The following MYOM2 variants were observed in gnomAD, a reference collection of about 807,000 sequenced individuals.
The protein encoded by MYOM2 is myomesin-2.
MYOM2 carries 254 observed loss-of-function variants against 187.6 expected under a neutral mutation model. That is an observed-to-expected ratio of 1.35 (90% CI 1.22 to 1.50). The LOEUF (loss-of-function observed/expected upper bound fraction) is 1.50, where lower values mean the gene tolerates loss of function less well. MYOM2 is among the 40% of genes most tolerant of loss of function. The pLI is 0.00. For synonymous variants in MYOM2, 981 were observed against 753.8 expected, an observed-to-expected ratio of 1.30 and a Z score of -4.94; for missense variants, 2,796 against 1,924.0, an observed-to-expected ratio of 1.45 and a Z score of -8.48.
chr8:2,094,938 G>A (rs749812240), intron 17 of MYOM2, among the ~76,000 whole-genome samples: 4 of 152,112 alleles, frequency 2.6e-5, no homozygotes, highest in Non-Finnish European at 4.4e-5. Context: ...GTTTTCTCAT[G>A]AAATGCACCT....
chr8:2,089,912 C>T, intron 14 of MYOM2, 96 bp from the exon 15 acceptor site: 1 of 1,225,692 alleles, frequency 8.2e-7, no homozygotes, highest in South Asian at 1.5e-5. Context: ...CCTGGTGGTC[C>T]TGGGATAGCG....
intron 11 of MYOM2, among the ~76,000 whole-genome samples, chr8:2,077,006 C>T (rs1348377785): frequency 2.0e-5 from 3 of 152,020 alleles, no homozygotes. Flanking sequence ...AGAAATTAGA[C>T]AGAGAGTAAA....
rs377330188 is a variant in MYOM2, at chr8:2,141,193, T to C, written c.4001+16T>C. 1 of 1,611,006 alleles carries C rather than the reference T, an allele frequency of 6.2e-7. No individual in the cohort carries two copies. The highest frequency in any genetic ancestry group is 1.3e-5 in the African/African-American group (1 of 74,884). On this transcript the variant is annotated intron_variant, in intron 34 of 36. Transcript: ENST00000262113. Reference sequence around the variant, plus strand: ...AGCAATTCAAGTAAGATTTGTGTATTTAGTTACTATGATATCCTGTGGGCA... The same window carrying C: ...AGCAATTCAAGTAAGATTTGTGTATCTAGTTACTATGATATCCTGTGGGCA...
chr8:2,064,174 C>CGTCGT lies in MYOM2; in HGVS notation c.653+4929_653+4930insGTCGT. 2.0e-5 allele frequency among the ~76,000 whole-genome samples: 3 copies of CGTCGT among 152,316 alleles called. No individual in the cohort carries two copies. In the South Asian group the frequency reaches 6.2e-4, roughly 32 times the overall value. On this transcript the variant is annotated intron_variant, in intron 6 of 36. Transcript: ENST00000262113. ...TCTGCTCCGTCGTCTGCCCAGGCCC[C>CGTCGT]CTGCTTCCCGGCCTCGGGGCAGGCA...
chr8:2,048,515 A>G (rs999340315), intron 1 of MYOM2, among the ~76,000 whole-genome samples: 3 of 152,264 alleles, frequency 2.0e-5, no homozygotes, highest in Non-Finnish European at 4.4e-5. Context: ...TTCTTGAACC[A>G]TGATAACAGC....
intron 32 of MYOM2, among the ~76,000 whole-genome samples, chr8:2,138,963 GCC>G (rs1798177911): frequency 6.8e-6 from 1 of 147,224 alleles, no homozygotes; most frequent in Non-Finnish European, 1.5e-5. Context: ...GACACACACT[GCC>G]AGCACCACCA....
chr8:2,076,508 G>C (rs559704007), intron 11 of MYOM2: 1 of 576,752 alleles, frequency 1.7e-6, no homozygotes, highest in Non-Finnish European at 2.9e-6. Flanking sequence ...GTTGAAAGTG[G>C]AGGCTCGTTT....
intron 14 of MYOM2, among the ~76,000 whole-genome samples, chr8:2,089,079 T>C (rs1317636247): frequency 6.7e-6 from 1 of 149,630 alleles, no homozygotes; most frequent in East Asian, 2.0e-4. Flanking sequence ...CTCCTTCAAA[T>C]ATGAGTCTGA....
chr8:2,136,215 C>T (rs1034218663), intron 32 of MYOM2, among the ~76,000 whole-genome samples: 2 of 152,212 alleles, frequency 1.3e-5, no homozygotes, highest in African/African-American at 4.8e-5. Context: ...ATCCCCGGCT[C>T]ATGGCTACCT....
chr8:2,111,490 A>G (rs796540478), intron 25 of MYOM2, among the ~76,000 whole-genome samples: 1 of 152,232 alleles, frequency 6.6e-6, no homozygotes, highest in African/African-American at 2.4e-5. Context: ...GTAAGTTCCT[A>G]TCATTCATTC....
At chr8:2,074,360 T>C (rs1013348672) in intron 10 of MYOM2, among the ~76,000 whole-genome samples, 2 of 152,172 alleles carry the variant, frequency 1.3e-5, no homozygotes, top group Non-Finnish European at 2.9e-5. Context: ...TAAATTTTGC[T>C]GGAGCCTGGA....
intron 28 of MYOM2, among the ~76,000 whole-genome samples, chr8:2,120,675 T>TATATAA (rs1220891042): frequency 4.8e-5 from 2 of 41,422 alleles, no homozygotes; most frequent in East Asian, 6.1e-4. Flanking sequence ...TATATATATA[T>TATATAA]TATATTATAT....
At chr8:2,076,369 AG>A in intron 11 of MYOM2, 87 bp downstream of exon 11, 1 of 1,483,260 alleles carries the variant, frequency 6.7e-7, no homozygotes, top group Non-Finnish European at 9.0e-7. Flanking sequence ...TTCTCAATGC[AG>A]GTTGACGTTC....
At chr8:2,094,497 C>G (rs1796415478) in intron 17 of MYOM2, among the ~76,000 whole-genome samples, 1 of 152,058 alleles carries the variant, frequency 6.6e-6, no homozygotes, top group African/African-American at 2.4e-5. Context: ...ACTGAAAATA[C>G]AAAAATCAGC....
At chr8:2,088,962 T>A (rs1392249896) in intron 14 of MYOM2, among the ~76,000 whole-genome samples, 1 of 152,034 alleles carries the variant, frequency 6.6e-6, no homozygotes, top group African/African-American at 2.4e-5. Context: ...TGCGCTCGCT[T>A]GGGGTCGCAA....
At chr8:2,109,177 C>A in intron 24 of MYOM2, 1 of 548,646 alleles carries the variant, frequency 1.8e-6, no homozygotes, top group Non-Finnish European at 3.1e-6. Context: ...AACACATTTG[C>A]AAAGCTAACT....
chr8:2,057,560 G>A lies in MYOM2; in HGVS notation c.403-63G>A. 3.7e-6 allele frequency: 6 copies of A among 1,612,770 alleles called. No homozygotes were observed. In the South Asian group the frequency reaches 6.6e-5, roughly 18 times the overall value. On this transcript the variant is annotated intron_variant, in intron 4 of 36. Transcript: ENST00000262113. Reference sequence around the variant, plus strand: ...CTTAGCTTGTCTGCATGGTGCTTGAGGGGCCGAGGGTGGAGCTTGGCTCGC... The same window carrying A: ...CTTAGCTTGTCTGCATGGTGCTTGAAGGGCCGAGGGTGGAGCTTGGCTCGC...
intron 21 of MYOM2, among the ~76,000 whole-genome samples, chr8:2,105,994 G>T (rs1796875196): frequency 6.6e-6 from 1 of 152,190 alleles, no homozygotes; most frequent in South Asian, 2.1e-4. Context: ...CAGAGTGAGT[G>T]CCAGCAGGGG....
chr8:2,057,316 C>T (rs751251459), intron 3 of MYOM2, 32 bp from the exon 4 acceptor site: 8 of 1,583,334 alleles, frequency 5.1e-6, no homozygotes, highest in Non-Finnish European at 6.9e-6. Flanking sequence ...TTCGTGACTC[C>T]TGCAACTGAG....
Sources: allele counts gnomAD v4.1 joint callset (sites outside exome capture counted in the v4.1 genomes callset), GRCh38; gene constraint gnomAD v4.1.1; transcripts MANE v1.5; gene names NCBI Gene and HGNC (gene_info 2026-07-23, HGNC 2026-07-21).